Variants in EHD4 observed in about 807,000 individuals in gnomAD.
EHD4 encodes the protein EH domain containing 4.
EHD4 carries 37 observed loss-of-function variants against 51.0 expected under a neutral mutation model. The observed-to-expected ratio is 0.73, with a 90% CI of 0.56 to 0.95. The LOEUF is 0.95. EHD4 is among the 40% of genes least tolerant of loss of function. The pLI is 0.00. For synonymous variants in EHD4, 297 were observed against 317.3 expected (o/e 0.94, Z 0.68); for missense variants, 632 against 733.1 (o/e 0.86, Z 1.59).
intron 3 of EHD4, chr15:41,928,989 A>G (rs2067681379): frequency 6.6e-6 from 1 of 152,188 alleles, no homozygotes; most frequent in African/African-American, 2.4e-5. Context: ...CCTTTTGGAG[A>G]GGCTGGATGT....
Position 41,972,319 on chromosome 15 carries a change from T to C in EHD4, c.176A>G (p.Glu59Gly), listed in dbSNP as rs758980285. Residue 59 changes from glutamate (E) to glycine (G), a missense_variant, in exon 1 of 6, where the codon GAG becomes GGG. Glu to Gly is a moderately conservative substitution (Grantham distance 98, BLOSUM62 -2). Coordinates refer to ENST00000220325, the MANE Select transcript of EHD4 (RefSeq NM_139265.4). ...CACCAGCAGGATCATGGGCTTGTTC[T>C]CGAAGTCGGCGTCCTCCAGCGCAGG... is the stretch of plus-strand genomic sequence containing the variant. ...HSPALEDADF[E>G]NKPMILLVGQ... The C allele has an allele frequency of 1.4e-5, 22 of 1,611,234 alleles. No individual in the cohort carries two copies. The South Asian group carries it at 2.3e-4, about 17-fold the overall frequency.
In EHD4 at chr15:41,917,994, C is replaced by T. The variant is rs560429838; in HGVS notation, c.924+1216G>A. Among the ~76,000 whole-genome samples the T allele has an allele frequency of 8.5e-4, 130 of 152,258 alleles. 1 individual carries two copies. Among genetic ancestry groups the T allele is most frequent in the South Asian group, 1.9e-3 (9 of 4,822 alleles). On this transcript the variant is annotated intron_variant, in intron 4 of 5. Transcript: ENST00000220325. ...GTGTGAGGGGCAGCAGCAGCCAGGACGGTGTTTGTTTTCACCCAGGCAAGA... is the reference window on the plus strand; with the variant it reads ...GTGTGAGGGGCAGCAGCAGCCAGGATGGTGTTTGTTTTCACCCAGGCAAGA...
chr15:41,952,486 A>C (rs1198993485), intron 2 of EHD4, among the ~76,000 whole-genome samples: 2 of 152,114 alleles, frequency 1.3e-5, no homozygotes, highest in Non-Finnish European at 2.9e-5. Context: ...AGGGGTAGCA[A>C]ATAGGAGGTG....
chr15:41,970,325 A>C (rs2067987501), intron 1 of EHD4, among the ~76,000 whole-genome samples: 1 of 152,200 alleles, frequency 6.6e-6, no homozygotes. Context: ...CTCAAGAACA[A>C]ATGGCTTCCT....
At chr15:41,948,465 C>T (rs1329240406) in intron 2 of EHD4, among the ~76,000 whole-genome samples, 1 of 152,020 alleles carries the variant, frequency 6.6e-6, no homozygotes, top group African/African-American at 2.4e-5. Context: ...GCCAACAAAT[C>T]TTGAGGTTAA....
chr15:41,903,724 G>A (rs1456898661), intron 5 of EHD4, among the ~76,000 whole-genome samples: 1 of 152,130 alleles, frequency 6.6e-6, no homozygotes, highest in African/African-American at 2.4e-5. Context: ...TTTGGAAGGG[G>A]ATTCCTGGGT....
chr15:41,907,872 A>G (rs28515468), intron 5 of EHD4, among the ~76,000 whole-genome samples: 10,313 of 47,538 alleles, frequency 0.22, 496 homozygotes, highest in African/African-American at 0.31. Flanking sequence ...GTGTGTGTGT[A>G]TATATTTATT....
intron 3 of EHD4, among the ~76,000 whole-genome samples, chr15:41,931,019 T>G (rs879882767): frequency 1.3e-5 from 2 of 152,216 alleles, no homozygotes; most frequent in African/African-American, 4.8e-5. Context: ...CAGGCATGCC[T>G]TCTACAGTGG....
In EHD4 at chr15:41,943,118, C is replaced by T. The variant is rs11549015; in HGVS notation, c.460G>A (p.Val154Ile). Residue 154 changes from valine (V) to isoleucine (I), a missense_variant, in exon 3 of 6, where the codon GTC (valine) becomes ATC (isoleucine). Physicochemically the swap from Val to Ile is conservative, Grantham distance 29 (BLOSUM62 3). Coordinates refer to ENST00000220325, the MANE Select transcript of EHD4 (RefSeq NM_139265.4). ...GAAAGGATGCCGGGGCTGTCGATGA[C>T]GCTGATGCTCTTCAGGACCTGATTG... ...LPNQVLKSIS[V>I]IDSPGILSGE... 0.15 allele frequency: 244,418 copies of T among 1,592,890 alleles called. 20,638 individuals are homozygous for T. The highest frequency in any genetic ancestry group is 0.17 in the Non-Finnish European group (195,715 of 1,169,528).
chr15:41,924,260 CTG>C (rs1356305244), intron 3 of EHD4, among the ~76,000 whole-genome samples: 1 of 152,220 alleles, frequency 6.6e-6, no homozygotes, highest in Non-Finnish European at 1.5e-5. Flanking sequence ...ACCACAGGAA[CTG>C]TGTCTTCATC....
intron 1 of EHD4, among the ~76,000 whole-genome samples, chr15:41,954,992 G>A (rs1291743897): frequency 6.6e-5 from 10 of 152,188 alleles, no homozygotes; most frequent in African/African-American, 2.4e-4. Flanking sequence ...TGATGTCATT[G>A]CTAGTTTTCA....
At chr15:41,928,316 T>G (rs1266081540) in intron 3 of EHD4, 2 of 152,164 alleles carry the variant, frequency 1.3e-5, no homozygotes, top group African/African-American at 4.8e-5. Flanking sequence ...AACAATCCCA[T>G]GAAGTAGGTA....
intron 1 of EHD4, among the ~76,000 whole-genome samples, chr15:41,959,961 C>CAA (rs575509600): frequency 6.9e-5 from 4 of 57,998 alleles, no homozygotes; most frequent in Non-Finnish European, 7.4e-5. Context: ...GACTCCACCT[C>CAA]AAAAAAAAAA....
In EHD4 at chr15:41,919,597, C is replaced by G; in HGVS notation, c.537G>C (p.Gln179His). The G allele has an allele frequency of 6.6e-7, 1 of 1,515,352 alleles. No homozygotes were observed. The allele number at this position is 1,515,352 out of a possible 1,614,324, so 93.9% of individuals were successfully genotyped here. A position where few individuals can be genotyped will look rare whatever the true frequency, so the allele number is the denominator to read the frequency against. ...TCCTGTCCACCCTCTCGGCAAACCA[C>G]TGCAGGACCTGGCAGAAGTCATAGC... is the stretch of plus-strand genomic sequence containing the variant. ...SRGYDFCQVL[Q>H]WFAERVDRII... The change falls in exon 4 of 6, where the codon CAG becomes CAC. Residue 179 changes from glutamine to histidine, a missense_variant. Physicochemically the swap from Gln to His is conservative, Grantham distance 24 (BLOSUM62 0). Coordinates refer to ENST00000220325, the MANE Select transcript of EHD4 (RefSeq NM_139265.4).
At chr15:41,918,059 A>G (rs2067597114) in intron 4 of EHD4, among the ~76,000 whole-genome samples, 1 of 152,120 alleles carries the variant, frequency 6.6e-6, no homozygotes, top group Non-Finnish European at 1.5e-5. Context: ...ACAGGCTGCT[A>G]ATGAGCAGCA....
intron 3 of EHD4, among the ~76,000 whole-genome samples, chr15:41,939,792 CAAAAAAAAAAA>C (rs537857115): frequency 1.2e-5 from 1 of 80,248 alleles, no homozygotes; most frequent in African/African-American, 4.9e-5. Flanking sequence ...GACTCCGTCT[CAAAAAAAAAAA>C]AAAAAAAAAA....
At chr15:41,942,935 T>C (rs967077353) in intron 3 of EHD4, 132 bp downstream of exon 3, 13 of 795,642 alleles carry the variant, frequency 1.6e-5, no homozygotes, top group African/African-American at 3.4e-5. Flanking sequence ...TGGTTGACAC[T>C]TGGGGCCCCT....
chr15:41,963,465 T>C (rs1172368780), intron 1 of EHD4, among the ~76,000 whole-genome samples: 2 of 151,942 alleles, frequency 1.3e-5, no homozygotes, highest in Non-Finnish European at 2.9e-5. Context: ...CCAGGCATGG[T>C]GGCCCATGCC....
intron 1 of EHD4, among the ~76,000 whole-genome samples, chr15:41,961,556 T>C (rs1668590): frequency 0.038 from 5,747 of 152,294 alleles, 373 homozygotes; most frequent in African/African-American, 0.13. Context: ...CTTTGAACAC[T>C]TACGAATGAT....
Sources: gnomAD v4.1 joint callset for allele counts (sites outside exome capture counted in the v4.1 genomes callset) on GRCh38, gnomAD v4.1.1 for gene constraint, MANE v1.5 for transcripts, NCBI Gene and HGNC (gene_info 2026-07-23, HGNC 2026-07-21) for gene names.